ANO4: variants seen among roughly 807,000 people sequenced by gnomAD.
ANO4 encodes the protein anoctamin-4.
In ANO4, 69 loss-of-function variants were observed where a neutral mutation model predicts 141.9. That is an observed-to-expected ratio of 0.49 (90% confidence interval 0.40 to 0.59). The LOEUF is 0.59. ANO4 is among the 20% of genes least tolerant of loss of function. The pLI, the probability that ANO4 is intolerant of heterozygous loss-of-function variation, is 0.00. For missense variants in ANO4, 894 were observed against 1,162.2 expected, an observed-to-expected ratio of 0.77 and a Z score of 3.36; for synonymous variants, 350 against 394.3, an observed-to-expected ratio of 0.89 and a Z score of 1.33.
chr12:101,015,650 T>C (rs1178304556), intron 8 of ANO4, among the ~76,000 whole-genome samples: 1 of 152,142 alleles, frequency 6.6e-6, no homozygotes, highest in African/African-American at 2.4e-5. Context: ...CTAGATTAGA[T>C]GGTATGTAGT....
intron 3 of ANO4, among the ~76,000 whole-genome samples, chr12:100,787,998 T>C (rs992884106): frequency 2.0e-5 from 3 of 152,198 alleles, no homozygotes; most frequent in Non-Finnish European, 4.4e-5. Context: ...CTGTTGCTAA[T>C]TGAAAATGCT....
chr12:101,002,411 T>C (rs2045686151), intron 8 of ANO4, among the ~76,000 whole-genome samples: 1 of 152,238 alleles, frequency 6.6e-6, no homozygotes, highest in Non-Finnish European at 1.5e-5. Context: ...TAACAGCTTT[T>C]AATGATTCCC....
At chr12:100,784,751 T>C (rs2033812753) in intron 3 of ANO4, among the ~76,000 whole-genome samples, 1 of 152,248 alleles carries the variant, frequency 6.6e-6, no homozygotes, top group African/African-American at 2.4e-5. Flanking sequence ...CCCAGTGTTC[T>C]GGTTTGTTAG....
chr12:100,990,677 G>C lies in ANO4; in HGVS notation c.734+3007G>C, dbSNP rs116142408. ...AAGATGCAGACTATTTTAAATAATT[G>C]TAAACAGTATGATGGGTGTGACTTA... is the stretch of plus-strand genomic sequence containing the variant. On this transcript the variant is annotated intron_variant, in intron 8 of 27. Coordinates refer to ENST00000392977, the MANE Select transcript of ANO4 (RefSeq NM_001286615.2). Among the ~76,000 whole-genome samples, 575 of 152,234 alleles carry C rather than the reference G, an allele frequency of 3.8e-3. 5 individuals are homozygous for C. Among genetic ancestry groups the C allele is most frequent in the East Asian group, 0.024 (126 of 5,178 alleles).
chr12:101,088,846 C>T (rs1782136952), intron 17 of ANO4, among the ~76,000 whole-genome samples: 1 of 151,912 alleles, frequency 6.6e-6, no homozygotes, highest in African/African-American at 2.4e-5. Flanking sequence ...CATGATTGCA[C>T]CACTGAACCC....
chr12:101,071,033 G>A (rs1474516848), intron 14 of ANO4, among the ~76,000 whole-genome samples: 1 of 152,132 alleles, frequency 6.6e-6, no homozygotes, highest in Non-Finnish European at 1.5e-5. Flanking sequence ...TTCTGGCAGG[G>A]ATGTGGAGAA....
intron 7 of ANO4, among the ~76,000 whole-genome samples, chr12:100,977,512 C>T (rs1339518247): frequency 6.6e-6 from 1 of 151,984 alleles, no homozygotes; most frequent in Admixed American, 6.6e-5. Context: ...ATAGTGAGGC[C>T]CCATCTCTAA....
At chr12:100,925,098 A>C (rs1566017012) in intron 3 of ANO4, among the ~76,000 whole-genome samples, 1 of 152,078 alleles carries the variant, frequency 6.6e-6, no homozygotes, top group South Asian at 2.1e-4. Context: ...GTTGCAAACA[A>C]GTTTTGTGCT....
chr12:100,963,385 T>A (rs1225999003), intron 5 of ANO4, among the ~76,000 whole-genome samples: 1 of 152,126 alleles, frequency 6.6e-6, no homozygotes, highest in African/African-American at 2.4e-5. Context: ...ACCAATTTCT[T>A]GTTGCTGTTA....
chr12:100,875,748 C>G (rs2039268602), intron 1 of ANO4, among the ~76,000 whole-genome samples: 1 of 151,702 alleles, frequency 6.6e-6, no homozygotes, highest in South Asian at 2.1e-4. Flanking sequence ...GATATAAGAG[C>G]AACAGAGGAT....
intron 1 of ANO4, among the ~76,000 whole-genome samples, chr12:100,866,239 C>G (rs1023278082): frequency 1.3e-5 from 2 of 152,102 alleles, no homozygotes; most frequent in Non-Finnish European, 2.9e-5. Flanking sequence ...CGCTATGGCT[C>G]TATGTTGGAT....
intron 1 of ANO4, among the ~76,000 whole-genome samples, chr12:100,722,950 A>G (rs569346691): frequency 1.3e-5 from 2 of 152,240 alleles, no homozygotes; most frequent in East Asian, 1.9e-4. Flanking sequence ...TGCTTTACCT[A>G]CTAGATAAAT....
chr12:100,719,869 C>T (rs2030787323), intron 1 of ANO4, among the ~76,000 whole-genome samples: 1 of 152,146 alleles, frequency 6.6e-6, no homozygotes, highest in African/African-American at 2.4e-5. Flanking sequence ...TTTTTACTTT[C>T]AGGCCACCAT....
intron 1 of ANO4, among the ~76,000 whole-genome samples, chr12:100,842,478 G>C (rs1453811652): frequency 6.6e-6 from 1 of 151,880 alleles, no homozygotes; most frequent in Non-Finnish European, 1.5e-5. Context: ...AGGTAGGTAG[G>C]TTCCTATTTA....
chr12:100,920,747 G>A (rs2041593194), intron 2 of ANO4, among the ~76,000 whole-genome samples: 1 of 152,108 alleles, frequency 6.6e-6, no homozygotes. Flanking sequence ...GGGTCTCAAG[G>A]AAAGGACTTA....
At chr12:100,852,658 G>T (rs1353144951) in intron 1 of ANO4, 1 of 152,154 alleles carries the variant, frequency 6.6e-6, no homozygotes, top group Admixed American at 6.5e-5. Flanking sequence ...TTCCTTGTGG[G>T]CACGTTGCTG....
chr12:100,880,689 A>G (rs1169908631), intron 1 of ANO4, among the ~76,000 whole-genome samples: 1 of 152,086 alleles, frequency 6.6e-6, no homozygotes, highest in South Asian at 2.1e-4. Flanking sequence ...TGATGATTTG[A>G]TTATGTGAGG....
At chr12:100,937,158 G>A (rs1204673819) in intron 3 of ANO4, among the ~76,000 whole-genome samples, 1 of 152,080 alleles carries the variant, frequency 6.6e-6, no homozygotes, top group Non-Finnish European at 1.5e-5. Flanking sequence ...CTCAGATATC[G>A]TTACATTGTG....
At chr12:101,086,508 C>A in intron 16 of ANO4, 152 bp from the exon 17 acceptor site, 2 of 773,872 alleles carry the variant, frequency 2.6e-6, no homozygotes, top group Non-Finnish European at 4.1e-6. Context: ...AAGTATTAAC[C>A]ACAATGAAAA....
Sources: allele counts gnomAD v4.1 joint callset (sites outside exome capture counted in the v4.1 genomes callset), GRCh38; gene constraint gnomAD v4.1.1; transcripts MANE v1.5; gene names NCBI Gene and HGNC (gene_info 2026-07-23, HGNC 2026-07-21).